DNMT1: variants seen among roughly 807,000 people sequenced by gnomAD.
DNMT1 encodes the protein DNA (cytosine-5)-methyltransferase 1.
A neutral mutation model predicts 205.3 loss-of-function variants in DNMT1; 24 were observed. The ratio of observed to expected loss-of-function variants is 0.12; its 90% confidence interval spans 0.08 to 0.16. The LOEUF is 0.16. Among genes scored for constraint, DNMT1 ranks in the 10% least tolerant of loss-of-function variants. The pLI, the probability that DNMT1 is intolerant of heterozygous loss-of-function variation, is 1.00. For missense variants in DNMT1, 1,293 were observed against 2,177.7 expected, an observed-to-expected ratio of 0.59 and a Z score of 8.09; for synonymous variants, 817 against 839.8, an observed-to-expected ratio of 0.97 and a Z score of 0.47.
In DNMT1 at chr19:10,151,384, G is replaced by A. The variant is rs2145298634; in HGVS notation, c.2265+14C>T. 3.1e-6 allele frequency: 5 copies of A among 1,611,704 alleles called. No individual in the cohort carries two copies. In the African/African-American group the frequency reaches 4.0e-5, roughly 13 times the overall value. On this transcript the variant is annotated intron_variant, in intron 24 of 40. Transcript: ENST00000359526. The surrounding 1 kb of genome is among the most constrained non-coding windows in gnomAD (Gnocchi z 5.0). ...AACATGGCAGTGAGCTGACCAAGGG[G>A]CTCCAAGGGTTACCTTGACGGCTTC...
At chr19:10,167,099 T>G (rs1273068482) in intron 10 of DNMT1, among the ~76,000 whole-genome samples, 1 of 152,190 alleles carries the variant, frequency 6.6e-6, no homozygotes, top group Non-Finnish European at 1.5e-5. Flanking sequence ...CCTCCCACTC[T>G]GCCAGGGCCC....
intron 1 of DNMT1, among the ~76,000 whole-genome samples, chr19:10,189,422 A>AT (rs35245682): frequency 0.014 from 1,956 of 135,176 alleles, 22 homozygotes; most frequent in African/African-American, 0.029. Context: ...CGCCCAGCTG[A>AT]TTTTTTTTTT....
Position 10,142,634 on chromosome 19 carries a change from G to A in DNMT1, c.3117-414C>T, listed in dbSNP as rs565371309. Among the ~76,000 whole-genome samples the A allele has an allele frequency of 3.3e-5, 5 of 149,336 alleles. No individual in the cohort carries two copies. The South Asian group carries it at 1.1e-3, about 32-fold the overall frequency. On this transcript the variant is annotated intron_variant, in intron 29 of 40. Coordinates refer to ENST00000359526, the MANE Select transcript of DNMT1 (RefSeq NM_001130823.3). ...AGGTAATGACCCCCGACCCAGTTGG[G>A]AACCGCAGGGTAAAGACCCCCCAGT...
At chr19:10,150,566 G>A (rs746282850) in intron 24 of DNMT1, among the ~76,000 whole-genome samples, 57 of 152,218 alleles carry the variant, frequency 3.7e-4, no homozygotes, top group Non-Finnish European at 7.2e-4. Flanking sequence ...GCTCAGCCAC[G>A]GCCCAGGCAG....
At position 10,140,420 on chromosome 19, in the gene DNMT1, A is replaced by C; in HGVS notation, c.3524-92T>G. On this transcript the variant is annotated intron_variant, in intron 32 of 40. Coordinates refer to ENST00000359526, the MANE Select transcript of DNMT1 (RefSeq NM_001130823.3). The surrounding 1 kb of genome is among the most constrained non-coding windows in gnomAD (Gnocchi z 8.4). ...AGTCTCGCTCTGTCACCCAGGCTGGAGTGCAGTGGTGTGATCTTGGCTCAC... is the reference window on the plus strand; with the variant it reads ...AGTCTCGCTCTGTCACCCAGGCTGGCGTGCAGTGGTGTGATCTTGGCTCAC... 1 of 1,521,254 alleles carries C rather than the reference A, an allele frequency of 6.6e-7. No homozygotes were observed. The highest frequency in any genetic ancestry group is 8.8e-7 in the Non-Finnish European group (1 of 1,131,568). 94.2% of individuals were successfully genotyped at this position (1,521,254 alleles called of 1,614,324 possible).
intron 11 of DNMT1, among the ~76,000 whole-genome samples, chr19:10,165,582 C>A (rs1471049971): frequency 6.6e-6 from 1 of 151,976 alleles, no homozygotes; most frequent in African/African-American, 2.4e-5. Flanking sequence ...TAGGTGACAC[C>A]GGATTTCACC....
rs1422521201 is a variant in DNMT1 at position 10,149,488 on chromosome 19, T to C, written c.2551A>G (p.Ile851Val). The change falls in exon 26 of 41, where the codon ATC (isoleucine) becomes GTC (valine). Residue 851 changes from isoleucine (I) to valine (V), a missense_variant. Around this residue, in one of 13 missense-constraint regions of DNMT1, gnomAD observed 197 missense variants for 353.6 expected, o/e 0.56. Coordinates refer to ENST00000359526, the MANE Select transcript of DNMT1 (RefSeq NM_001130823.3). ...LSYIHSKVKV[I>V]YKAPSENWAM... ...CAGTTTTCGGAGGGGGCTTTGTAGATGACTTTCACTTTGCTGTGGATATAT... is the reference window on the plus strand; with the variant it reads ...CAGTTTTCGGAGGGGGCTTTGTAGACGACTTTCACTTTGCTGTGGATATAT... 3.1e-6 allele frequency: 5 copies of C among 1,614,094 alleles called. No homozygotes were observed. The highest frequency in any genetic ancestry group is 2.2e-5 in the East Asian group (1 of 44,884).
intron 29 of DNMT1, 109 bp downstream of exon 29, chr19:10,143,657 T>C (rs1001063333): frequency 3.9e-6 from 5 of 1,290,524 alleles, no homozygotes; most frequent in Middle Eastern, 2.2e-4. Context: ...AAACAGCTAC[T>C]TCAACCTAAC....
intron 29 of DNMT1, among the ~76,000 whole-genome samples, chr19:10,143,056 C>G (rs1192197300): frequency 6.6e-6 from 1 of 152,220 alleles, no homozygotes; most frequent in African/African-American, 2.4e-5. Flanking sequence ...CCGCAAGTTA[C>G]TCGGGTCTTA....
Position 10,142,174 on chromosome 19 carries a change from T to C in DNMT1, c.3163A>G (p.Ile1055Val), listed in dbSNP as rs754199607. The C allele has an allele frequency of 3.1e-6, 5 of 1,613,932 alleles. No homozygotes were observed. The highest frequency in any genetic ancestry group is 4.2e-6 in the Non-Finnish European group (5 of 1,180,028). ...TCGTCGCTCCAGTAGAGCAGGTTGA[T>C]GTCTGCGTGGTAGCTCGCTGGAGTG... Reference protein sequence around the residue: ...KSTPASYHADINLLYWSDEEA... With the variant: ...KSTPASYHADVNLLYWSDEEA... Residue 1055 changes from isoleucine (I) to valine (V), a missense_variant, in exon 30 of 41, where the codon ATC (isoleucine) becomes GTC (valine). By Grantham distance (29) the Ile-to-Val change is conservative (BLOSUM62 3). This residue lies in a region of DNMT1 where 167 missense variants were observed against 258.1 expected (regional missense o/e 0.65). Transcript: ENST00000359526.
Position 10,149,871 on chromosome 19 carries a change from T to G in DNMT1, c.2363A>C (p.Lys788Thr). ...TGCAAACCTTGCTAGATACAGCGGT[T>G]TTGAGGAATCATCTGGAATAACAGA... ...CVSVIPDDSS[K>T]PLYLARVTAL... The change falls in exon 25 of 41, where the codon AAA (lysine) becomes ACA (threonine). Residue 788 changes from lysine (K) to threonine (T), a missense_variant. Physicochemically the swap from Lys to Thr is moderately conservative, Grantham distance 78. Coordinates refer to ENST00000359526, the MANE Select transcript of DNMT1 (RefSeq NM_001130823.3). 1 of 1,614,216 alleles carries G rather than the reference T, an allele frequency of 6.2e-7. No homozygotes were observed. The highest frequency in any genetic ancestry group is 8.5e-7 in the Non-Finnish European group (1 of 1,180,046).
chr19:10,136,425 C>T (rs1266976615), intron 37 of DNMT1, 138 bp from the exon 38 acceptor site: 11 of 1,042,526 alleles, frequency 1.1e-5, no homozygotes, highest in Non-Finnish European at 1.3e-5. Context: ...CAACAATCCT[C>T]GTTCTCTGGG....
rs1377659857 is a variant in DNMT1, at chr19:10,137,694, A to ACACAAAG, written c.4293+131_4293+137dup. On this transcript the variant is annotated intron_variant, in intron 36 of 40. Transcript: ENST00000359526. The surrounding 1 kb of genome is among the most constrained non-coding windows in gnomAD (Gnocchi z 6.4). The stretch of plus-strand genomic sequence containing the variant: ...GACCATGCAAGAGAGACCAGGGGTC[A>ACACAAAG]CACAAAGGCTGAGGACTCGGGAGGA... The ACACAAAG allele has an allele frequency of 2.5e-6, 3 of 1,209,126 alleles. No homozygotes were observed. Among genetic ancestry groups the ACACAAAG allele is most frequent in the African/African-American group, 3.0e-5 (2 of 66,342 alleles). 74.9% of individuals were successfully genotyped at this position (1,209,126 alleles called of 1,614,324 possible). A position where few individuals can be genotyped will look rare whatever the true frequency, so the allele number is the denominator to read the frequency against.
intron 38 of DNMT1, 62 bp downstream of exon 38, chr19:10,136,059 C>A: frequency 1.2e-6 from 2 of 1,609,922 alleles, no homozygotes; most frequent in East Asian, 2.2e-5. Context: ...CACACTTCCA[C>A]CTAGTTAGGC....
At chr19:10,178,649 G>T (rs1040881930) in intron 5 of DNMT1, 1 of 152,518 alleles carries the variant, frequency 6.6e-6, no homozygotes, top group African/African-American at 2.4e-5. Flanking sequence ...AGCTACTTGG[G>T]AGGCTGAGGC....
intron 37 of DNMT1, 68 bp from the exon 38 acceptor site, chr19:10,136,355 A>AGGC: frequency 6.3e-7 from 1 of 1,593,480 alleles, no homozygotes. Flanking sequence ...AGTGGCTCTT[A>AGGC]GAGCTTTGGG....
At chr19:10,193,020 C>G (rs1206904320) in intron 1 of DNMT1, among the ~76,000 whole-genome samples, 1 of 152,082 alleles carries the variant, frequency 6.6e-6, no homozygotes, top group Admixed American at 6.6e-5. Context: ...GCATTCCAGC[C>G]TGGGTGAAAG....
Position 10,159,948 on chromosome 19 carries a change from G to A in DNMT1, c.1090-26C>T. 1.9e-6 allele frequency: 3 copies of A among 1,614,232 alleles called. No homozygotes were observed. Among genetic ancestry groups the A allele is most frequent in the Non-Finnish European group, 2.5e-6 (3 of 1,180,034 alleles). ...CTGTGGGAGCAGGAACACAGATGAT[G>A]GCACTCAGAGAGCAGCTCCCAGCCG... On this transcript the variant is annotated intron_variant, in intron 15 of 40. Transcript: ENST00000359526. The surrounding 1 kb of genome is among the most constrained non-coding windows in gnomAD (Gnocchi z 5.0).
chr19:10,155,055 T>C lies in DNMT1; in HGVS notation c.1494A>G (p.Ser498=). The C allele has an allele frequency of 6.2e-7, 1 of 1,614,046 alleles. No individual in the cohort carries two copies. The highest frequency in any genetic ancestry group is 8.5e-7 in the Non-Finnish European group (1 of 1,180,028). The change falls in exon 20 of 41, where the codon TCA becomes TCG. Residue 498 remains serine (S), a splice_region_variant and synonymous_variant. Coordinates refer to ENST00000359526, the MANE Select transcript of DNMT1 (RefSeq NM_001130823.3). ...GEKALIGFST[S]FAEYILMDPS... ...GATCCATCAGAATGTATTCGGCAAA[T>C]GCTGGGGTGAACAGAGGAGGTGTGG...
Sources: gnomAD v4.1 joint callset for allele counts (sites outside exome capture counted in the v4.1 genomes callset) on GRCh38, gnomAD v4.1.1 for gene constraint, gnomAD v4.1.1 regional missense constraint, Gnocchi (gnomAD v3.1) non-coding constraint, MANE v1.5 for transcripts, NCBI Gene and HGNC (gene_info 2026-07-23, HGNC 2026-07-21) for gene names.